The following CENPU variants were observed in gnomAD, a reference collection of about 807,000 sequenced individuals.
CENPU encodes the protein KSHV latent nuclear antigen interacting protein 1.
Under a neutral mutation model 56.7 loss-of-function variants are expected in CENPU, and 46 were observed. The ratio of observed to expected loss-of-function variants is 0.81; its 90% CI spans 0.64 to 1.04. The LOEUF (loss-of-function observed/expected upper bound fraction) is 1.04. Ranked by LOEUF, CENPU falls within the 50% of genes least tolerant of loss-of-function variation. CENPU has a pLI of 0.00. For missense variants in CENPU, 510 were observed against 490.1 expected, an observed-to-expected ratio of 1.04 and a Z score of -0.38; for synonymous variants, 166 against 163.0, an observed-to-expected ratio of 1.02 and a Z score of -0.14.
chr4:184,699,814 C>G (rs551616496), intron 11 of CENPU, among the ~76,000 whole-genome samples: 33 of 152,202 alleles, frequency 2.2e-4, no homozygotes, highest in African/African-American at 7.5e-4. Flanking sequence ...GTATGCACCA[C>G]CACACCCGGC....
intron 4 of CENPU, among the ~76,000 whole-genome samples, chr4:184,723,777 A>G (rs1579791084): frequency 7.6e-6 from 1 of 131,648 alleles, no homozygotes; most frequent in African/African-American, 2.9e-5. Context: ...TGGGAGGCGG[A>G]GGTTACAGTG....
intron 12 of CENPU, among the ~76,000 whole-genome samples, chr4:184,696,393 C>A (rs1159204486): frequency 6.6e-6 from 1 of 152,158 alleles, no homozygotes; most frequent in Non-Finnish European, 1.5e-5. Flanking sequence ...GGACGCTCAT[C>A]AGGTGGTGTG....
intron 1 of CENPU, among the ~76,000 whole-genome samples, chr4:184,731,628 A>G (rs566605893): frequency 1.3e-5 from 2 of 152,350 alleles, no homozygotes; most frequent in African/African-American, 4.8e-5. Flanking sequence ...CAGTCAGTGA[A>G]TATGTACAGA....
chr4:184,719,745 T>TGAGAG (rs937866550), intron 4 of CENPU, among the ~76,000 whole-genome samples: 8 of 152,100 alleles, frequency 5.3e-5, no homozygotes, highest in South Asian at 2.1e-4. Flanking sequence ...CTTTCTTCTG[T>TGAGAG]GAGAGGAGAG....
At chr4:184,720,919 G>T (rs1206609827) in intron 4 of CENPU, among the ~76,000 whole-genome samples, 1 of 152,084 alleles carries the variant, frequency 6.6e-6, no homozygotes, top group Non-Finnish European at 1.5e-5. Context: ...ACATTAATGA[G>T]CAGTATAAAT....
intron 3 of CENPU, among the ~76,000 whole-genome samples, chr4:184,726,698 T>C (rs915427811): frequency 6.6e-6 from 1 of 152,134 alleles, no homozygotes; most frequent in Non-Finnish European, 1.5e-5. Flanking sequence ...AATAGCAGAA[T>C]TATTCACAGT....
chr4:184,696,886 T>TG (rs1388791517), intron 12 of CENPU, among the ~76,000 whole-genome samples: 4 of 150,294 alleles, frequency 2.7e-5, no homozygotes, highest in Non-Finnish European at 5.9e-5. Context: ...TCCTTAACTT[T>TG]TTTTTTTTTT....
intron 4 of CENPU, among the ~76,000 whole-genome samples, chr4:184,718,749 G>C (rs6834156): frequency 0.18 from 27,097 of 152,118 alleles, 2,711 homozygotes; most frequent in African/African-American, 0.26. Flanking sequence ...AAGACTGATT[G>C]CCCAGATTGC....
At chr4:184,723,671 A>C (rs1247250198) in intron 4 of CENPU, among the ~76,000 whole-genome samples, 2 of 150,952 alleles carry the variant, frequency 1.3e-5, no homozygotes. Context: ...GTGAAACTCC[A>C]TCTCTACTAA....
intron 8 of CENPU, among the ~76,000 whole-genome samples, chr4:184,708,480 A>T (rs146757668): frequency 1.0e-3 from 154 of 151,994 alleles, no homozygotes; most frequent in African/African-American, 3.5e-3. Context: ...ATAAAAAATT[A>T]AAAAACCTTG....
intron 11 of CENPU, 35 bp from the exon 12 acceptor site, chr4:184,697,838 A>G: frequency 6.4e-7 from 1 of 1,552,272 alleles, no homozygotes; most frequent in Admixed American, 1.9e-5. Flanking sequence ...AATAAAATGT[A>G]CCAGCCTATC....
At chr4:184,704,155 C>CTGCAG (rs1760641056) in intron 8 of CENPU, among the ~76,000 whole-genome samples, 1 of 152,012 alleles carries the variant, frequency 6.6e-6, no homozygotes. Flanking sequence ...TCATGGCTCA[C>CTGCAG]TGCAGCCTCA....
intron 9 of CENPU, 112 bp downstream of exon 9, chr4:184,702,251 T>A: frequency 8.1e-7 from 1 of 1,238,024 alleles, no homozygotes; most frequent in Non-Finnish European, 1.2e-6. Flanking sequence ...ATAGTTCTAA[T>A]GAGTTTATTA....
At chr4:184,727,087 G>T (rs1761482638) in intron 3 of CENPU, among the ~76,000 whole-genome samples, 1 of 143,374 alleles carries the variant, frequency 7.0e-6, no homozygotes, top group African/African-American at 2.7e-5. Flanking sequence ...CTGCACTTCA[G>T]CCTAGGTGAC....
chr4:184,707,895 A>T (rs1760780874), intron 8 of CENPU, among the ~76,000 whole-genome samples: 1 of 152,222 alleles, frequency 6.6e-6, no homozygotes. Flanking sequence ...GGAAGATATT[A>T]GCAGCATAAA....
At chr4:184,709,529 G>T (rs953194202) in intron 8 of CENPU, among the ~76,000 whole-genome samples, 1 of 151,800 alleles carries the variant, frequency 6.6e-6, no homozygotes, top group Non-Finnish European at 1.5e-5. Context: ...AGAAAACTAT[G>T]ATGCATATTA....
At chr4:184,701,889 A>G (rs1259555952) in intron 10 of CENPU, among the ~76,000 whole-genome samples, 200 bp downstream of exon 10, 1 of 152,190 alleles carries the variant, frequency 6.6e-6, no homozygotes, top group Non-Finnish European at 1.5e-5. Context: ...CTTAGGAAAC[A>G]AAAGTGACTA....
chr4:184,716,680 CT>C, intron 5 of CENPU, 47 bp from the exon 6 acceptor site: 1 of 1,367,282 alleles, frequency 7.3e-7, no homozygotes, highest in Non-Finnish European at 1.0e-6. Context: ...AATAGAAATG[CT>C]TATAATTCTT....
intron 2 of CENPU, among the ~76,000 whole-genome samples, chr4:184,730,530 C>T (rs571395625): frequency 1.1e-4 from 12 of 112,742 alleles, no homozygotes; most frequent in Non-Finnish European, 1.3e-4. Context: ...ATGCCTTTAA[C>T]ATACATTTAT....
Sources: allele counts gnomAD v4.1 joint callset (sites outside exome capture counted in the v4.1 genomes callset), GRCh38; gene constraint gnomAD v4.1.1; transcripts MANE v1.5; gene names NCBI Gene and HGNC (gene_info 2026-07-23, HGNC 2026-07-21).